KPNA1: variants seen among roughly 807,000 people sequenced by gnomAD.
The protein encoded by KPNA1 is importin subunit alpha-5.
In KPNA1, 10 loss-of-function variants were observed where a neutral mutation model predicts 70.5. The observed-to-expected ratio is 0.14, with a 90% CI of 0.09 to 0.24. The LOEUF (loss-of-function observed/expected upper bound fraction) is 0.24. Among genes scored for constraint, KPNA1 ranks in the 10% least tolerant of loss-of-function variants. The pLI, the probability that KPNA1 is intolerant of heterozygous loss-of-function variation, is 1.00. For synonymous variants in KPNA1, 192 were observed against 221.9 expected, an observed-to-expected ratio of 0.87 and a Z score of 1.20; for missense variants, 397 against 637.9, an observed-to-expected ratio of 0.62 and a Z score of 4.07.
chr3:122,459,905 T>C lies in KPNA1; in HGVS notation c.432+1319A>G, dbSNP rs965901907. Reference sequence around the variant, plus strand: ...GCAAATCATCAAGTTGTATGAATAATCTATAATGGTGTAGACAGTAAGGAA... The same window carrying C: ...GCAAATCATCAAGTTGTATGAATAACCTATAATGGTGTAGACAGTAAGGAA... On this transcript the variant is annotated intron_variant, in intron 5 of 13. Coordinates refer to ENST00000344337, the MANE Select transcript of KPNA1 (RefSeq NM_002264.4). The C allele has an allele frequency of 3.0e-6, 3 of 985,194 alleles. No individual in the cohort carries two copies. The African/African-American group carries it at 5.2e-5, about 17-fold the overall frequency. 61.0% of individuals were successfully genotyped at this position (985,194 alleles called of 1,614,324 possible).
chr3:122,473,179 C>A (rs184105374), intron 2 of KPNA1, among the ~76,000 whole-genome samples: 2 of 152,026 alleles, frequency 1.3e-5, no homozygotes, highest in Non-Finnish European at 2.9e-5. Context: ...CACAAACTAC[C>A]AAAACTCACA....
chr3:122,445,734 TAA>T (rs1363345151), intron 9 of KPNA1, among the ~76,000 whole-genome samples: 1 of 152,006 alleles, frequency 6.6e-6, no homozygotes, highest in African/African-American at 2.4e-5. Flanking sequence ...GCAAATTGGA[TAA>T]AGAGTCAAGA....
At chr3:122,434,611 A>C (rs1044901069) in intron 11 of KPNA1, among the ~76,000 whole-genome samples, 2 of 151,934 alleles carry the variant, frequency 1.3e-5, no homozygotes, top group African/African-American at 4.8e-5. Context: ...TAAAATCCTG[A>C]GTCCATCTTT....
chr3:122,445,282 A>G (rs2076122548), intron 9 of KPNA1, among the ~76,000 whole-genome samples: 1 of 152,240 alleles, frequency 6.6e-6, no homozygotes, highest in Admixed American at 6.5e-5. Flanking sequence ...AGCCGATTCA[A>G]TCAAGTGGAA....
chr3:122,470,983 T>C (rs1188412133), intron 2 of KPNA1, among the ~76,000 whole-genome samples: 6 of 152,236 alleles, frequency 3.9e-5, no homozygotes, highest in Admixed American at 2.0e-4. Flanking sequence ...GGAGTCATCC[T>C]ATTCAGGGGT....
At chr3:122,439,149 A>G (rs1210451229) in intron 10 of KPNA1, among the ~76,000 whole-genome samples, 1 of 152,186 alleles carries the variant, frequency 6.6e-6, no homozygotes, top group Non-Finnish European at 1.5e-5. Context: ...ATGCAGAGAC[A>G]AGCTATTACA....
At chr3:122,462,458 C>T (rs1023426588) in intron 4 of KPNA1, among the ~76,000 whole-genome samples, 1 of 152,066 alleles carries the variant, frequency 6.6e-6, no homozygotes, top group Non-Finnish European at 1.5e-5. Flanking sequence ...AGAAGGTAAC[C>T]TCTCACCATA....
Position 122,426,216 on chromosome 3 carries a change from A to C in KPNA1, c.*769T>G, listed in dbSNP as rs987166847. On this transcript the variant is annotated 3_prime_UTR_variant, in exon 14 of 14. Transcript: ENST00000344337. The stretch of plus-strand genomic sequence containing the variant: ...ACTTCCAAATTCTAAGACACAAAAG[A>C]CCAAAGAGAAGCAAAAGCGATACAA... 1 of 152,620 alleles carries C rather than the reference A, an allele frequency of 6.6e-6. No homozygotes were observed. Among genetic ancestry groups the C allele is most frequent in the Admixed American group, 6.5e-5 (1 of 15,272 alleles). 9.5% of individuals were successfully genotyped at this position (152,620 alleles called of 1,614,324 possible).
At chr3:122,459,385 C>T (rs2076297978) in intron 5 of KPNA1, 1 of 981,784 alleles carries the variant, frequency 1.0e-6, no homozygotes. Flanking sequence ...ACTCTCATTC[C>T]CAGAGACAGG....
intron 1 of KPNA1, among the ~76,000 whole-genome samples, chr3:122,514,271 T>G (rs1301382578): frequency 6.6e-6 from 1 of 151,916 alleles, no homozygotes; most frequent in African/African-American, 2.4e-5. Context: ...CTGTAACTTG[T>G]GAATTCCCAA....
chr3:122,451,416 A>G (rs2076201276), intron 8 of KPNA1, 118 bp downstream of exon 8: 1 of 616,114 alleles, frequency 1.6e-6, no homozygotes, highest in African/African-American at 1.9e-5. Context: ...CCAAAAACAG[A>G]TAAAATTCTA....
chr3:122,493,365 A>C (rs1183670454), intron 2 of KPNA1, among the ~76,000 whole-genome samples: 1 of 152,102 alleles, frequency 6.6e-6, no homozygotes, highest in Non-Finnish European at 1.5e-5. Context: ...AAAAAAAAAA[A>C]AACAGTATGT....
chr3:122,439,941 T>G (rs1004814488), intron 10 of KPNA1, among the ~76,000 whole-genome samples: 2 of 152,130 alleles, frequency 1.3e-5, no homozygotes, highest in Admixed American at 1.3e-4. Context: ...AACTTGGAAC[T>G]TGCCTTGTGG....
chr3:122,431,446 C>G (rs1415180449), intron 12 of KPNA1, among the ~76,000 whole-genome samples: 1 of 152,142 alleles, frequency 6.6e-6, no homozygotes, highest in Admixed American at 6.5e-5. Context: ...CATGAGCCAC[C>G]ACACCCGGCC....
rs1005216152 is a variant in KPNA1, at chr3:122,424,303, C to T, written c.*2682G>A. 1 of 152,140 alleles carries T rather than the reference C, an allele frequency of 6.6e-6. No homozygotes were observed. Among genetic ancestry groups the T allele is most frequent in the African/African-American group, 2.4e-5 (1 of 41,432 alleles). The allele number at this position is 152,140 out of a possible 1,614,324, so 9.4% of individuals were successfully genotyped here. ...TGGTAGGGTATTCAGTGAATTTAAACTAAGTTAACAGAATCTGAGAGGCAA... is the reference window on the plus strand; with the variant it reads ...TGGTAGGGTATTCAGTGAATTTAAATTAAGTTAACAGAATCTGAGAGGCAA... On this transcript the variant is annotated 3_prime_UTR_variant, in exon 14 of 14. Coordinates refer to ENST00000344337, the MANE Select transcript of KPNA1 (RefSeq NM_002264.4).
chr3:122,494,783 G>C (rs565408530), intron 2 of KPNA1, among the ~76,000 whole-genome samples: 1 of 152,218 alleles, frequency 6.6e-6, no homozygotes, highest in East Asian at 1.9e-4. Context: ...AGAAGAAACA[G>C]AATAAAATGA....
chr3:122,434,817 A>T (rs1015346338), intron 11 of KPNA1, among the ~76,000 whole-genome samples: 14 of 152,202 alleles, frequency 9.2e-5, no homozygotes, highest in African/African-American at 3.1e-4. Context: ...CATTTCCTAC[A>T]TTAAGAAACT....
chr3:122,470,467 G>A (rs889202535), intron 2 of KPNA1, among the ~76,000 whole-genome samples: 1 of 151,672 alleles, frequency 6.6e-6, no homozygotes, highest in African/African-American at 2.4e-5. Flanking sequence ...AGCCAATATC[G>A]CACCACTGCA....
chr3:122,503,764 T>C (rs1464677239), intron 1 of KPNA1, among the ~76,000 whole-genome samples: 1 of 152,226 alleles, frequency 6.6e-6, no homozygotes, highest in Non-Finnish European at 1.5e-5. Context: ...ATGATCCTGT[T>C]TCTTTGGATA....
Sources: gnomAD v4.1 joint callset for allele counts (sites outside exome capture counted in the v4.1 genomes callset) on GRCh38, gnomAD v4.1.1 for gene constraint, MANE v1.5 for transcripts, NCBI Gene and HGNC (gene_info 2026-07-23, HGNC 2026-07-21) for gene names.